The following PTPRH variants were observed in gnomAD, a reference collection of about 807,000 sequenced individuals.
PTPRH encodes protein tyrosine phosphatase receptor type H.
PTPRH carries 113 observed loss-of-function variants against 130.2 expected under a neutral mutation model. That is an observed-to-expected ratio of 0.87 (90% CI 0.75 to 1.01). The LOEUF (loss-of-function observed/expected upper bound fraction) is 1.01, where lower values mean the gene tolerates loss of function less well. PTPRH is among the 50% of genes least tolerant of loss of function. The pLI is 0.00. For synonymous variants in PTPRH, 556 were observed against 577.9 expected, an observed-to-expected ratio of 0.96 and a Z score of 0.54; for missense variants, 1,430 against 1,425.0, an observed-to-expected ratio of 1.00 and a Z score of -0.06.
In PTPRH at chr19:55,209,318, G is replaced by A; in HGVS notation, c.51+65C>T. The A allele has an allele frequency of 1.4e-6, 2 of 1,411,322 alleles. No homozygotes were observed. The highest frequency in any genetic ancestry group is 1.2e-5 in the South Asian group (1 of 81,318). The allele number at this position is 1,411,322 out of a possible 1,614,324, so 87.4% of individuals were successfully genotyped here. On this transcript the variant is annotated intron_variant, in intron 1 of 19. Transcript: ENST00000376350. The surrounding 1 kb of genome is among the most constrained non-coding windows in gnomAD (Gnocchi z 4.1). Reference sequence around the variant, plus strand: ...CTCAAGATCGAGGTGCAGGCACCCAGCTCCTTCTCCCTCAGACCTGGGAGT... The same window carrying A: ...CTCAAGATCGAGGTGCAGGCACCCAACTCCTTCTCCCTCAGACCTGGGAGT...
rs2086178101 is a variant in PTPRH at position 55,181,776 on chromosome 19, T to G, written c.3326A>C (p.Gln1109Pro). 1.2e-6 allele frequency: 2 copies of G among 1,614,152 alleles called. No homozygotes were observed. Residue 1109 changes from glutamine (Q) to proline (P), a missense_variant, in exon 20 of 20, where the codon CAG becomes CCG. Transcript: ENST00000376350. ...NLIYENVAAIQAHKLEV is the reference protein window; with the variant it reads ...NLIYENVAAIPAHKLEV ...CACTTAGACCTCCAACTTGTGGGCC[T>G]GGATGGCGGCCACGTTCTCGTAGAT...
At chr19:55,199,007 T>C in intron 7 of PTPRH, 95 bp from the exon 8 acceptor site, 2 of 1,217,312 alleles carry the variant, frequency 1.6e-6, no homozygotes, top group South Asian at 2.9e-5. Flanking sequence ...GCCCAGCTCA[T>C]CCAGAAACAC....
rs767479297 is a variant in PTPRH, at chr19:55,188,132, G to A, written c.2421C>T (p.Asp807=). 1 of 1,614,104 alleles carries A rather than the reference G, an allele frequency of 6.2e-7. No individual in the cohort carries two copies. Among genetic ancestry groups the A allele is most frequent in the Non-Finnish European group, 8.5e-7 (1 of 1,180,004 alleles). Residue 807 remains aspartate (D), a synonymous_variant, in exon 13 of 20, where the codon GAC becomes GAT. Coordinates refer to ENST00000376350, the MANE Select transcript of PTPRH (RefSeq NM_002842.5). ...TGTCCCTCTCATTCTTCCTGACGTG[G>A]TCAGCGAAGTCTTCAGCTGGGATGT... is the stretch of plus-strand genomic sequence containing the variant. ...PGDIPAEDFA[D]HVRKNERDSN...
At chr19:55,197,443 G>A in intron 8 of PTPRH, 27 bp from the exon 9 acceptor site, 5 of 1,594,986 alleles carry the variant, frequency 3.1e-6, no homozygotes, top group Non-Finnish European at 4.3e-6. Context: ...GAGGCCTAAG[G>A]GGGTATCCTC....
rs2086174507 is a variant in PTPRH, at chr19:55,181,685, G to C, written c.*69C>G. The C allele has an allele frequency of 6.3e-7, 1 of 1,594,122 alleles. No homozygotes were observed. Among genetic ancestry groups the C allele is most frequent in the Admixed American group, 1.7e-5 (1 of 59,364 alleles). On this transcript the variant is annotated 3_prime_UTR_variant, in exon 20 of 20. Coordinates refer to ENST00000376350, the MANE Select transcript of PTPRH (RefSeq NM_002842.5). ...GGGAGCCCAGCCCTCTGCTCTTCCA[G>C]GAATCTGGGCTCAAGTGGGTGTCCA...
intron 10 of PTPRH, among the ~76,000 whole-genome samples, chr19:55,192,327 G>A (rs367701630): frequency 2.6e-5 from 4 of 151,696 alleles, no homozygotes; most frequent in South Asian, 2.1e-4. Context: ...GCGTGAACCC[G>A]GGAGGTGGAG....
chr19:55,191,988 C>T (rs749423432), intron 10 of PTPRH: 13 of 642,410 alleles, frequency 2.0e-5, no homozygotes, highest in South Asian at 4.5e-5. Context: ...CTACTCAACG[C>T]GAAGACTACA....
intron 8 of PTPRH, among the ~76,000 whole-genome samples, chr19:55,197,865 T>C (rs1308267259): frequency 6.6e-6 from 1 of 152,234 alleles, no homozygotes; most frequent in Non-Finnish European, 1.5e-5. Context: ...ACCACGTTTG[T>C]AGAGGGAGCT....
chr19:55,187,554 G>T lies in PTPRH; in HGVS notation c.2525C>A (p.Ser842Ter). The T allele has an allele frequency of 6.2e-7, 1 of 1,613,436 alleles. No homozygotes were observed. The highest frequency in any genetic ancestry group is 8.5e-7 in the Non-Finnish European group (1 of 1,179,710). The change falls in exon 14 of 20, where the codon TCA becomes TAA. Residue 842 changes from serine to a stop codon, truncating the protein, a stop_gained. Transcript: ENST00000376350. LOFTEE classifies it high-confidence loss of function. ...GTAGCGGTTCTTGGCGTTGTTCTCT[G>T]AAGCCGAAGCCACCATCTGAGACTG... is the stretch of plus-strand genomic sequence containing the variant. ...HSQSQMVASA[S>*]ENNAKNRYRN...
At chr19:55,188,010 G>C in intron 13 of PTPRH, 68 bp downstream of exon 13, 2 of 1,004,938 alleles carry the variant, frequency 2.0e-6, no homozygotes, top group Non-Finnish European at 2.9e-6. Context: ...GGTCTGGCCA[G>C]GGGGTGGGGG....
chr19:55,200,259 C>T lies in PTPRH; in HGVS notation c.1397G>A (p.Arg466Lys). Residue 466 changes from arginine to lysine, a missense_variant, in exon 7 of 20, where the codon AGG becomes AAG. Arg to Lys is a conservative substitution (Grantham distance 26, BLOSUM62 2). Transcript: ENST00000376350. ...ACCTGTGGAGATGCTGACATTCTGC[C>T]TGGAGCCACGTGCTCCATTTTTTTC... Reference protein sequence around the residue: ...WAEKNGARGSRQNVSISTVPN... With the variant: ...WAEKNGARGSKQNVSISTVPN... 1 of 1,614,220 alleles carries T rather than the reference C, an allele frequency of 6.2e-7. No individual in the cohort carries two copies. Among genetic ancestry groups the T allele is most frequent in the South Asian group, 1.1e-5 (1 of 91,092 alleles).
intron 14 of PTPRH, among the ~76,000 whole-genome samples, chr19:55,187,188 A>G (rs553175659): frequency 6.7e-6 from 1 of 148,392 alleles, no homozygotes; most frequent in Non-Finnish European, 1.5e-5. Context: ...TACCAAAAAT[A>G]CAAAAAATTA....
chr19:55,185,491 C>A lies in PTPRH; in HGVS notation c.3062+11G>T, dbSNP rs367890327. Reference sequence around the variant, plus strand: ...TTCTCTCAAGGGAGAGGGTCCTGGGCTGGTCCCCACCTGCAGTGCACAATG... The same window carrying A: ...TTCTCTCAAGGGAGAGGGTCCTGGGATGGTCCCCACCTGCAGTGCACAATG... On this transcript the variant is annotated intron_variant, in intron 18 of 19. Transcript: ENST00000376350. 4 of 1,613,538 alleles carry A rather than the reference C, an allele frequency of 2.5e-6. No homozygotes were observed. In the African/African-American group the frequency reaches 5.3e-5, roughly 22 times the overall value.
chr19:55,194,707 GT>G (rs988265797), intron 10 of PTPRH, among the ~76,000 whole-genome samples: 1 of 152,100 alleles, frequency 6.6e-6, no homozygotes, highest in Non-Finnish European at 1.5e-5. Context: ...AAAACCCGGG[GT>G]GGGGGGTAGT....
In PTPRH at chr19:55,188,075, C is replaced by G. The variant is rs755265700; in HGVS notation, c.2475+3G>C. The stretch of plus-strand genomic sequence containing the variant: ...GAGCTCAGCCCCTCTGTCCTCTCCC[C>G]ACCTGGTACTCGTCTGCAAAACCAC... On this transcript the variant is annotated splice_donor_region_variant and intron_variant, in intron 13 of 19. Coordinates refer to ENST00000376350, the MANE Select transcript of PTPRH (RefSeq NM_002842.5). The G allele has an allele frequency of 2.5e-6, 4 of 1,613,224 alleles. No individual in the cohort carries two copies. Among genetic ancestry groups the G allele is most frequent in the Non-Finnish European group, 3.4e-6 (4 of 1,179,188 alleles).
chr19:55,196,881 C>A, intron 9 of PTPRH, 93 bp from the exon 10 acceptor site: 1 of 1,456,956 alleles, frequency 6.9e-7, no homozygotes, highest in Non-Finnish European at 9.3e-7. Flanking sequence ...CGAGCCCATC[C>A]CTTCCTCGCC....
chr19:55,203,674 C>T, intron 5 of PTPRH, 108 bp downstream of exon 5: 2 of 1,322,994 alleles, frequency 1.5e-6, no homozygotes, highest in Non-Finnish European at 2.0e-6. Flanking sequence ...GTGGCTTCCA[C>T]TGTGTTTCTA....
rs1348454882 is a variant in PTPRH at position 55,202,226 on chromosome 19, G to A, written c.983C>T (p.Ser328Phe). The part of the protein sequence containing the change: ...EVPDGPDPQN[S>F]TYGVEYTGDG... The stretch of plus-strand genomic sequence containing the variant: ...TCCAGTGTACTCAACCCCGTAGGTG[G>A]AGTTCTGTGGGTCTGGGCCATCGGG... The change falls in exon 6 of 20, where the codon TCC becomes TTC. Residue 328 changes from serine (S) to phenylalanine (F), a missense_variant. Transcript: ENST00000376350. The A allele has an allele frequency of 6.8e-6, 11 of 1,614,198 alleles. No individual in the cohort carries two copies. Among genetic ancestry groups the A allele is most frequent in the Non-Finnish European group, 9.3e-6 (11 of 1,180,040 alleles).
Position 55,194,308 on chromosome 19 carries a change from G to A in PTPRH, c.2257+2214C>T, listed in dbSNP as rs890029758. ...CAGCTTCTCAGCAATCCTGGGAAGA[G>A]TGTGTTTGTTGACAGGGAACTGAAG... On this transcript the variant is annotated intron_variant, in intron 10 of 19. Transcript: ENST00000376350. 11 of 1,287,274 alleles carry A rather than the reference G, an allele frequency of 8.5e-6. No homozygotes were observed. The Admixed American group carries it at 1.2e-4, about 14-fold the overall frequency. The allele number at this position is 1,287,274 out of a possible 1,614,324, so 79.7% of individuals were successfully genotyped here.
Sources: gnomAD v4.1 joint callset for allele counts (sites outside exome capture counted in the v4.1 genomes callset) on GRCh38, gnomAD v4.1.1 for gene constraint, Gnocchi (gnomAD v3.1) non-coding constraint, MANE v1.5 for transcripts, NCBI Gene and HGNC (gene_info 2026-07-23, HGNC 2026-07-21) for gene names.